The following SFXN5 variants were observed in gnomAD, a reference collection of about 807,000 sequenced individuals.
SFXN5 encodes sideroflexin 5, also known as sideroflexin-5.
In SFXN5, 43 loss-of-function variants were observed where a neutral mutation model predicts 50.2. The ratio of observed to expected loss-of-function variants is 0.86; its 90% CI spans 0.67 to 1.11. The LOEUF (loss-of-function observed/expected upper bound fraction) is 1.11. Among genes scored for constraint, SFXN5 ranks in the 50% least tolerant of loss-of-function variants. SFXN5 has a pLI of 0.00. For synonymous variants in SFXN5, 203 were observed against 185.8 expected, an observed-to-expected ratio of 1.09 and a Z score of -0.75; for missense variants, 463 against 454.1, an observed-to-expected ratio of 1.02 and a Z score of -0.18.
intron 3 of SFXN5, among the ~76,000 whole-genome samples, chr2:73,024,275 G>A (rs1479339993): frequency 2.0e-5 from 3 of 152,060 alleles, no homozygotes; most frequent in Non-Finnish European, 4.4e-5. Context: ...GCCCACCTCG[G>A]CCTCCCAAGG....
intron 3 of SFXN5, among the ~76,000 whole-genome samples, chr2:73,031,229 G>T (rs1186662283): frequency 6.6e-6 from 1 of 152,204 alleles, no homozygotes; most frequent in African/African-American, 2.4e-5. Context: ...GACCCACAGT[G>T]GCATCTGAGG....
chr2:73,018,987 T>C (rs1432159896), intron 6 of SFXN5, among the ~76,000 whole-genome samples: 8 of 152,206 alleles, frequency 5.3e-5, no homozygotes, highest in Non-Finnish European at 1.5e-5. Context: ...TACAAGTATG[T>C]TCAAAACAGC....
In SFXN5 at chr2:72,950,668, C is replaced by G. The variant is rs932275019; in HGVS notation, c.946-5569G>C. Among the ~76,000 whole-genome samples the G allele has an allele frequency of 6.6e-6, 1 of 152,240 alleles. No homozygotes were observed. The highest frequency in any genetic ancestry group is 2.4e-5 in the African/African-American group (1 of 41,466). On this transcript the variant is annotated intron_variant, in intron 13 of 13. Coordinates refer to ENST00000272433, the MANE Select transcript of SFXN5 (RefSeq NM_144579.3). This position sits in a 1 kb window ranked among gnomAD's most constrained non-coding sequence, Gnocchi z 4.2. ...GGTAAGTGTGGGGCCAAGTTTTCTC[C>G]AAGGGAACCACATCTAGGGCCTTGC...
At chr2:72,991,671 C>T (rs1437997791) in intron 9 of SFXN5, among the ~76,000 whole-genome samples, 1 of 152,254 alleles carries the variant, frequency 6.6e-6, no homozygotes, top group Non-Finnish European at 1.5e-5. Context: ...GTTCTGGTTC[C>T]TCAGGGCCCT....
intron 6 of SFXN5, among the ~76,000 whole-genome samples, chr2:73,006,298 C>T (rs935440074): frequency 9.2e-5 from 14 of 152,110 alleles, no homozygotes; most frequent in South Asian, 4.1e-4. Flanking sequence ...TTGTCTAGAC[C>T]GGGCAAACCC....
intron 3 of SFXN5, among the ~76,000 whole-genome samples, chr2:73,038,191 G>A (rs891085394): frequency 1.3e-5 from 2 of 152,220 alleles, no homozygotes; most frequent in Non-Finnish European, 2.9e-5. Flanking sequence ...TTACAAGCCT[G>A]GGTAGTATGT....
chr2:73,049,972 C>T (rs1377941858), intron 2 of SFXN5: 2 of 95,712 alleles, frequency 2.1e-5, no homozygotes, highest in South Asian at 3.2e-4. Context: ...GGGAGAAATA[C>T]GAAAAAAAAA....
In SFXN5 at chr2:73,002,058, AT is replaced by A. The variant is rs984128339; in HGVS notation, c.358-481del. On this transcript the variant is annotated intron_variant, in intron 6 of 13. Coordinates refer to ENST00000272433, the MANE Select transcript of SFXN5 (RefSeq NM_144579.3). ...CTGCTCACCCTAGCCTTCCCGTAGG[AT>A]TTTTGCGAGGATTAAACAAAAATCA... is the stretch of plus-strand genomic sequence containing the variant. 5.3e-5 allele frequency among the ~76,000 whole-genome samples: 8 copies of A among 152,306 alleles called. No homozygotes were observed. In the East Asian group the frequency reaches 1.2e-3, roughly 22 times the overall value.
chr2:72,946,036 G>A (rs988270562), intron 13 of SFXN5, among the ~76,000 whole-genome samples: 3 of 151,860 alleles, frequency 2.0e-5, no homozygotes, highest in Non-Finnish European at 4.4e-5. Flanking sequence ...GCTGCCTTCC[G>A]TGTCCATGCA....
intron 2 of SFXN5, among the ~76,000 whole-genome samples, chr2:73,046,551 T>C (rs895934949): frequency 6.6e-6 from 1 of 152,132 alleles, no homozygotes; most frequent in Non-Finnish European, 1.5e-5. Context: ...TAATAAAGAC[T>C]TGGTGTAGTC....
At chr2:73,068,193 A>C (rs976440343) in intron 1 of SFXN5, among the ~76,000 whole-genome samples, 4 of 152,226 alleles carry the variant, frequency 2.6e-5, no homozygotes, top group African/African-American at 9.6e-5. Context: ...AATCCTGCAG[A>C]AAGCGGTGAG....
chr2:73,003,111 G>A (rs960600494), intron 6 of SFXN5, among the ~76,000 whole-genome samples: 1 of 151,962 alleles, frequency 6.6e-6, no homozygotes, highest in African/African-American at 2.4e-5. Context: ...AGCCAGACCA[G>A]AGGGAGGGAG....
chr2:73,067,971 A>C (rs931652700), intron 1 of SFXN5, among the ~76,000 whole-genome samples: 1 of 152,218 alleles, frequency 6.6e-6, no homozygotes, highest in African/African-American at 2.4e-5. Context: ...AAGTCAATAC[A>C]CAAAAAGGCT....
intron 5 of SFXN5, 59 bp from the exon 6 acceptor site, chr2:73,020,323 C>T: frequency 6.3e-7 from 1 of 1,581,184 alleles, no homozygotes. Flanking sequence ...ACCTGAGATA[C>T]CCAGGAGCCT....
At chr2:73,008,349 C>T (rs1675005048) in intron 6 of SFXN5, among the ~76,000 whole-genome samples, 1 of 152,024 alleles carries the variant, frequency 6.6e-6, no homozygotes, top group African/African-American at 2.4e-5. Flanking sequence ...TTCGACATGA[C>T]ATGGAGCGGG....
chr2:72,944,863 T>C lies in SFXN5; in HGVS notation c.*159A>G, dbSNP rs1346322151. On this transcript the variant is annotated 3_prime_UTR_variant, in exon 14 of 14. Transcript: ENST00000272433. ...CCTCTTGCCTATGTTAAAATGTGAA[T>C]GGGTCAGTCTCCCTCCACTGTAGGT... The C allele has an allele frequency of 5.0e-6, 3 of 602,788 alleles. No homozygotes were observed. The highest frequency in any genetic ancestry group is 8.9e-6 in the Non-Finnish European group (3 of 337,630). 37.3% of individuals were successfully genotyped at this position (602,788 alleles called of 1,614,324 possible).
intron 9 of SFXN5, among the ~76,000 whole-genome samples, chr2:72,996,137 G>A (rs184891070): frequency 4.1e-4 from 63 of 152,348 alleles, no homozygotes; most frequent in Admixed American, 2.2e-3. Flanking sequence ...GGGACACAGT[G>A]CGACTGAGTG....
At chr2:72,967,444 G>A (rs141376815) in intron 12 of SFXN5, 30 of 152,354 alleles carry the variant, frequency 2.0e-4, no homozygotes, top group African/African-American at 7.0e-4. Context: ...ATTCTGATGG[G>A]GTGGTCAGGG....
chr2:72,946,429 G>A (rs1296748573), intron 13 of SFXN5, among the ~76,000 whole-genome samples: 2 of 152,004 alleles, frequency 1.3e-5, no homozygotes, highest in South Asian at 2.1e-4. Flanking sequence ...CCCACTTCAC[G>A]ACACCCACTG....
Sources: allele counts gnomAD v4.1 joint callset (sites outside exome capture counted in the v4.1 genomes callset), GRCh38; gene constraint gnomAD v4.1.1; non-coding constraint Gnocchi (gnomAD v3.1); transcripts MANE v1.5; gene names NCBI Gene and HGNC (gene_info 2026-07-23, HGNC 2026-07-21).